Variants in DMD observed in about 807,000 individuals in gnomAD.
DMD encodes mutant dystrophin.
In DMD, 63 loss-of-function variants were observed where a neutral mutation model predicts 330.1. The ratio of observed to expected loss-of-function variants is 0.19; its 90% CI spans 0.16 to 0.24. The LOEUF (loss-of-function observed/expected upper bound fraction) is 0.24, where lower values mean the gene tolerates loss of function less well. DMD is among the 10% of genes least tolerant of loss of function. DMD has a pLI of 1.00. For missense variants in DMD, 3,344 were observed against 2,684.1 expected, an observed-to-expected ratio of 1.25 and a Z score of -5.43; for synonymous variants, 1,223 against 959.8, an observed-to-expected ratio of 1.27 and a Z score of -5.07.
At chrX:31,284,839 CA>C in intron 62 of DMD, among the ~76,000 whole-genome samples, 3 of 106,522 alleles carry the variant, frequency 2.8e-5, no homozygotes, top group African/African-American at 1.0e-4. Flanking sequence ...CACACACACA[CA>C]CACACACACA....
At chrX:32,711,516 C>T (rs935036808) in intron 7 of DMD, among the ~76,000 whole-genome samples, 33 of 111,699 alleles carry the variant, frequency 3.0e-4, no homozygotes, top group African/African-American at 1.0e-3. Context: ...ATCCCATTGA[C>T]GGTTTTGGCC....
At chrX:31,203,890 T>C in intron 67 of DMD, 71 bp downstream of exon 67, 1 of 1,004,176 alleles carries the variant, frequency 1.0e-6, no homozygotes, top group African/African-American at 1.9e-5. Context: ...AAAACGAAGC[T>C]CTGTGGGTTT....
At chrX:32,735,974 C>A (rs991705122) in intron 7 of DMD, among the ~76,000 whole-genome samples, 3 of 111,593 alleles carry the variant, frequency 2.7e-5, no homozygotes, top group East Asian at 2.8e-4. Context: ...TCAGAGTGAA[C>A]AGGCAACCTA....
chrX:32,451,564 T>C (rs1203128430), intron 26 of DMD, among the ~76,000 whole-genome samples: 2 of 110,492 alleles, frequency 1.8e-5, no homozygotes, highest in Admixed American at 9.6e-5. Flanking sequence ...AAACTTTCCT[T>C]TTCAGGGGAA....
At chrX:32,491,132 T>C in intron 20 of DMD, 145 bp downstream of exon 20, 1 of 729,233 alleles carries the variant, frequency 1.4e-6, no homozygotes, top group East Asian at 3.3e-5. Context: ...AGATTTCTGT[T>C]GCTTACATTT....
In DMD at chrX:32,697,967, C is replaced by G. The variant is rs767304770; in HGVS notation, c.863G>C (p.Arg288Thr). 1.3e-5 allele frequency: 15 copies of G among 1,198,860 alleles called. No individual in the cohort carries two copies. The highest frequency in any genetic ancestry group is 1.8e-5 in the South Asian group (1 of 55,183). ...ITVSLAQGYE[R>T]TSSPKPRFKS... Reference sequence around the variant, plus strand: ...GAATCGAGGCTTAGGGGAAGAAGTTCTCTCATATCCCTGTGCTAGACTGAC... The same window carrying G: ...GAATCGAGGCTTAGGGGAAGAAGTTGTCTCATATCCCTGTGCTAGACTGAC... Residue 288 changes from arginine (R) to threonine (T), a missense_variant, in exon 9 of 79, where the codon AGA becomes ACA. Physicochemically the swap from Arg to Thr is moderately conservative, Grantham distance 71. Transcript: ENST00000357033.
At chrX:32,688,276 A>C (rs992677385) in intron 9 of DMD, among the ~76,000 whole-genome samples, 2 of 111,806 alleles carry the variant, frequency 1.8e-5, no homozygotes, top group African/African-American at 6.5e-5. Context: ...ATCCACAGCA[A>C]TACCTCTGGA....
intron 11 of DMD, among the ~76,000 whole-genome samples, chrX:32,619,596 G>T (rs754910813): frequency 5.9e-4 from 66 of 111,764 alleles, no homozygotes; most frequent in Non-Finnish European, 1.1e-3. Context: ...TTAAAGTAGG[G>T]TTTAAAAAGC....
chrX:31,391,490 G>A (rs181729217), intron 60 of DMD, among the ~76,000 whole-genome samples: 13 of 111,576 alleles, frequency 1.2e-4, no homozygotes, highest in African/African-American at 3.9e-4. Context: ...TCCTTGGCAC[G>A]TCCAAAAATA....
chrX:33,286,379 G>T (rs1354893850), intron 1 of DMD, among the ~76,000 whole-genome samples: 3 of 111,517 alleles, frequency 2.7e-5, no homozygotes, highest in Non-Finnish European at 5.7e-5. Flanking sequence ...GAGAAGTCCA[G>T]AGACTTATAC....
At chrX:32,988,017 TCTCATAATGAAAA>T (rs2092888968) in intron 2 of DMD, among the ~76,000 whole-genome samples, 1 of 110,469 alleles carries the variant, frequency 9.1e-6, no homozygotes, top group Non-Finnish European at 1.9e-5. Flanking sequence ...ACACAGCATG[TCTCATAATGAAAA>T]GTAGAAGTTA....
chrX:32,359,912 AAATAAT>A (rs766705189), intron 37 of DMD, among the ~76,000 whole-genome samples: 2 of 110,507 alleles, frequency 1.8e-5, no homozygotes, highest in African/African-American at 6.6e-5. Context: ...ACTTTATTTT[AAATAAT>A]AATATTTTGG....
intron 25 of DMD, among the ~76,000 whole-genome samples, chrX:32,460,387 G>T (rs1465360270): frequency 9.2e-6 from 1 of 108,426 alleles, no homozygotes; most frequent in African/African-American, 3.3e-5. Context: ...CTGGACAATT[G>T]CAATCCCTAC....
At chrX:32,210,280 C>A (rs1181624819) in intron 44 of DMD, among the ~76,000 whole-genome samples, 3 of 112,075 alleles carry the variant, frequency 2.7e-5, no homozygotes, top group Non-Finnish European at 5.6e-5. Context: ...CTTCTAGTTA[C>A]AGAAACCAGG....
rs13440929 is a variant in DMD at position 32,879,046 on chromosome X, A to C, written c.94-29226T>G. On this transcript the variant is annotated intron_variant, in intron 2 of 78. Coordinates refer to ENST00000357033, the MANE Select transcript of DMD (RefSeq NM_004006.3). ...AAAACAAAAAACAAACAAAAAAAAA[A>C]CAACTAATATTTGTATATTAATATA... 2.6e-3 allele frequency among the ~76,000 whole-genome samples: 280 copies of C among 109,363 alleles called. 2 individuals carry two copies. The highest frequency in any genetic ancestry group is 8.3e-3 in the African/African-American group (249 of 30,070). The allele number at this position is 109,363 out of a possible 115,157, so 95.0% of individuals were successfully genotyped here. A position where few individuals can be genotyped will look rare whatever the true frequency, so the allele number is the denominator to read the frequency against.
chrX:32,107,364 G>C lies in DMD; in HGVS notation c.6438+109552C>G, dbSNP rs774382769. Among the ~76,000 whole-genome samples, 368 of 93,839 alleles carry C rather than the reference G, an allele frequency of 3.9e-3. 1 individual carries two copies. Among genetic ancestry groups the C allele is most frequent in the African/African-American group, 0.017 (348 of 20,941 alleles). The allele number at this position is 93,839 out of a possible 115,157, so 81.5% of individuals were successfully genotyped here. The stretch of plus-strand genomic sequence containing the variant: ...TGTGTGTGTGTGTGTGTGTGTGTGT[G>C]TGTGTGTGTCTCTGTGTGTGTTTGT... On this transcript the variant is annotated intron_variant, in intron 44 of 78. Coordinates refer to ENST00000357033, the MANE Select transcript of DMD (RefSeq NM_004006.3).
At chrX:32,332,012 A>T (rs1486052123) in intron 41 of DMD, among the ~76,000 whole-genome samples, 2 of 111,362 alleles carry the variant, frequency 1.8e-5, no homozygotes, top group Non-Finnish European at 3.8e-5. Flanking sequence ...TATTTGGATT[A>T]TTTGCTTTAA....
Position 32,484,097 on chromosome X carries a change from T to C in DMD, c.2803+822A>G, listed in dbSNP as rs546727514. On this transcript the variant is annotated intron_variant, in intron 21 of 78. Transcript: ENST00000357033. ...AGAGATTTTTTCAGAAAAATACTTT[T>C]ATCTTAATGCCTTCAAACCCGATTT... is the stretch of plus-strand genomic sequence containing the variant. 9.7e-4 allele frequency among the ~76,000 whole-genome samples: 108 copies of C among 111,477 alleles called. 2 individuals carry two copies. The highest frequency in any genetic ancestry group is 9.4e-3 in the Admixed American group (98 of 10,425).
intron 44 of DMD, among the ~76,000 whole-genome samples, chrX:32,015,582 G>C (rs766902796): frequency 2.7e-5 from 3 of 111,693 alleles, no homozygotes; most frequent in African/African-American, 9.8e-5. Flanking sequence ...TACTACTCTA[G>C]ATAAAAAGTA....
Sources: allele counts gnomAD v4.1 joint callset (sites outside exome capture counted in the v4.1 genomes callset), GRCh38; gene constraint gnomAD v4.1.1; transcripts MANE v1.5; gene names NCBI Gene and HGNC (gene_info 2026-07-23, HGNC 2026-07-21).